ATP2B2: variants seen among roughly 807,000 people sequenced by gnomAD.
The protein encoded by ATP2B2 is ATPase plasma membrane Ca2+ transporting 2, also known as plasma membrane calcium-transporting ATPase 2.
ATP2B2 carries 15 observed loss-of-function variants against 120.0 expected under a neutral mutation model. That is an observed-to-expected ratio of 0.12 (90% confidence interval 0.08 to 0.19). The LOEUF (loss-of-function observed/expected upper bound fraction) is 0.19, where lower values mean the gene tolerates loss of function less well. Ranked by LOEUF, ATP2B2 falls within the 10% of genes least tolerant of loss-of-function variation. ATP2B2 has a pLI of 1.00. For synonymous variants in ATP2B2, 694 were observed against 700.3 expected, an observed-to-expected ratio of 0.99 and a Z score of 0.14; for missense variants, 1,045 against 1,719.8, an observed-to-expected ratio of 0.61 and a Z score of 6.94.
At chr3:10,683,760 G>GTGTGTGTGTGTATATATATATA (rs1446781892) in intron 1 of ATP2B2, among the ~76,000 whole-genome samples, 1 of 53,914 alleles carries the variant, frequency 1.9e-5, no homozygotes, top group African/African-American at 5.6e-5. Context: ...GTGTGTGTGT[G>GTGTGTGTGTGTATATATATATA]TATATATATA....
At chr3:10,419,783 G>T (rs909164470) in intron 2 of ATP2B2, among the ~76,000 whole-genome samples, 1 of 152,208 alleles carries the variant, frequency 6.6e-6, no homozygotes, top group Non-Finnish European at 1.5e-5. Flanking sequence ...AGAGCTCAGC[G>T]GCCACCCTGC....
At chr3:10,656,827 C>T (rs1403722792) in intron 1 of ATP2B2, among the ~76,000 whole-genome samples, 1 of 152,332 alleles carries the variant, frequency 6.6e-6, no homozygotes, top group African/African-American at 2.4e-5. Flanking sequence ...AAGAAGAAGC[C>T]AGCCCTGGGA....
intron 17 of ATP2B2, 63 bp downstream of exon 17, chr3:10,345,968 A>G: frequency 6.7e-7 from 1 of 1,501,738 alleles, no homozygotes; most frequent in East Asian, 2.4e-5. Context: ...TAGCCAGCCC[A>G]AGGTTGTGTA....
chr3:10,530,456 C>A (rs2067187724), intron 3 of ATP2B2, among the ~76,000 whole-genome samples: 1 of 152,228 alleles, frequency 6.6e-6, no homozygotes, highest in South Asian at 2.1e-4. Context: ...CGCTTCCTCC[C>A]CAAGTGAGGC....
intron 2 of ATP2B2, among the ~76,000 whole-genome samples, chr3:10,425,302 G>A (rs186479883): frequency 4.6e-4 from 69 of 150,398 alleles, no homozygotes; most frequent in African/African-American, 1.7e-3. Context: ...AGAGCGAGAT[G>A]CTGTCTCAAA....
chr3:10,465,837 T>C (rs1358919214), intron 1 of ATP2B2, among the ~76,000 whole-genome samples: 2 of 152,156 alleles, frequency 1.3e-5, no homozygotes, highest in Non-Finnish European at 2.9e-5. Flanking sequence ...GGTGTGTGCA[T>C]CTCTAGTGGC....
At chr3:10,556,282 T>C (rs963911865) in intron 2 of ATP2B2, among the ~76,000 whole-genome samples, 3 of 152,242 alleles carry the variant, frequency 2.0e-5, no homozygotes, top group Non-Finnish European at 4.4e-5. Context: ...TCTATGTGAC[T>C]GCTCTCAAAT....
At chr3:10,615,593 C>G (rs1426387006) in intron 2 of ATP2B2, among the ~76,000 whole-genome samples, 1 of 152,168 alleles carries the variant, frequency 6.6e-6, no homozygotes, top group Admixed American at 6.5e-5. Context: ...ACAGAAGGAC[C>G]TTGAAGCCAG....
chr3:10,692,431 C>G (rs1243927885), intron 1 of ATP2B2, among the ~76,000 whole-genome samples: 2 of 152,176 alleles, frequency 1.3e-5, no homozygotes, highest in Non-Finnish European at 2.9e-5. Context: ...TTCACAGGGA[C>G]CCGACAGGAG....
chr3:10,431,386 C>CACCTTTAGCAACTGCCACCCT (rs2063309538), intron 2 of ATP2B2, among the ~76,000 whole-genome samples: 1 of 152,150 alleles, frequency 6.6e-6, no homozygotes, highest in Non-Finnish European at 1.5e-5. Flanking sequence ...ATTGCCACCC[C>CACCTTTAGCAACTGCCACCCT]ACCTTTAGCA....
At chr3:10,504,177 C>T (rs1241599396) in intron 1 of ATP2B2, among the ~76,000 whole-genome samples, 1 of 150,568 alleles carries the variant, frequency 6.6e-6, no homozygotes, top group South Asian at 2.1e-4. Context: ...CCCAACCCCC[C>T]ACAGGACTCC....
At chr3:10,363,388 C>T (rs963032704) in intron 12 of ATP2B2, among the ~76,000 whole-genome samples, 2 of 152,168 alleles carry the variant, frequency 1.3e-5, no homozygotes, top group Non-Finnish European at 2.9e-5. Context: ...GGAGAACAGG[C>T]CCTGGGGAGA....
At chr3:10,345,296 G>A (rs1394298255) in intron 18 of ATP2B2, 88 bp downstream of exon 18, 10 of 1,475,698 alleles carry the variant, frequency 6.8e-6, no homozygotes, top group Non-Finnish European at 9.4e-6. Flanking sequence ...TTCTGACAGG[G>A]ACAACCTGGA....
chr3:10,602,930 C>G (rs533902570), intron 2 of ATP2B2, among the ~76,000 whole-genome samples: 2 of 152,210 alleles, frequency 1.3e-5, no homozygotes, highest in Non-Finnish European at 2.9e-5. Context: ...TCTCTTCTCT[C>G]TGAACTGAGC....
chr3:10,659,630 C>T (rs922425539), intron 1 of ATP2B2, among the ~76,000 whole-genome samples: 8 of 152,088 alleles, frequency 5.3e-5, no homozygotes, highest in African/African-American at 1.9e-4. Flanking sequence ...ACTTAGACTC[C>T]CACACAATAA....
At chr3:10,681,183 CT>C (rs1373248821) in intron 1 of ATP2B2, among the ~76,000 whole-genome samples, 3 of 152,184 alleles carry the variant, frequency 2.0e-5, no homozygotes, top group African/African-American at 7.2e-5. Context: ...AATTAAACCT[CT>C]TTTCTTTATA....
At chr3:10,453,863 T>C (rs1239991663) in intron 1 of ATP2B2, among the ~76,000 whole-genome samples, 7 of 133,764 alleles carry the variant, frequency 5.2e-5, no homozygotes, top group Non-Finnish European at 6.3e-5. Context: ...CACCCATCAA[T>C]CCACACACCC....
intron 1 of ATP2B2, among the ~76,000 whole-genome samples, chr3:10,629,584 G>A (rs1023780381): frequency 1.3e-5 from 2 of 152,190 alleles, no homozygotes; most frequent in Non-Finnish European, 1.5e-5. Context: ...GTTTTTCAGA[G>A]GCAGAGGCAT....
At chr3:10,388,047 G>C in intron 6 of ATP2B2, 1 of 551,142 alleles carries the variant, frequency 1.8e-6, no homozygotes, top group Admixed American at 2.9e-5. Flanking sequence ...AGGGGAAGGA[G>C]GGGCCTCCAT....
Sources: allele counts gnomAD v4.1 joint callset (sites outside exome capture counted in the v4.1 genomes callset), GRCh38; gene constraint gnomAD v4.1.1; transcripts MANE v1.5; gene names NCBI Gene and HGNC (gene_info 2026-07-23, HGNC 2026-07-21).